Variants in SNX33 observed in about 807,000 individuals in gnomAD.
The protein encoded by SNX33 is sorting nexin-33.
SNX33 carries 19 observed loss-of-function variants against 38.8 expected under a neutral mutation model. That is an observed-to-expected ratio of 0.49 (90% confidence interval 0.34 to 0.72). SNX33 has a LOEUF of 0.72. Among genes scored for constraint, SNX33 ranks in the 30% least tolerant of loss-of-function variants. The pLI is 0.01. For missense variants in SNX33, 641 were observed against 776.4 expected (o/e 0.83, Z 2.07); for synonymous variants, 246 against 289.7 (o/e 0.85, Z 1.53).
In SNX33 at chr15:75,648,016, G is replaced by T; in HGVS notation, c.-1087G>T. The T allele has an allele frequency of 1.0e-6, 1 of 985,474 alleles. No homozygotes were observed. Among genetic ancestry groups the T allele is most frequent in the Non-Finnish European group, 1.2e-6 (1 of 829,946 alleles). The allele number at this position is 985,474 out of a possible 1,614,324, so 61.0% of individuals were successfully genotyped here. ...GCCCGCCCCCCACTGGCCGGGCCCCGCAGGGCGGAGAGGAGGACGGACGGA... is the reference window on the plus strand; with the variant it reads ...GCCCGCCCCCCACTGGCCGGGCCCCTCAGGGCGGAGAGGAGGACGGACGGA... On this transcript the variant is annotated 5_prime_UTR_variant, in exon 1 of 2. Transcript: ENST00000308527. This position sits in a 1 kb window ranked among gnomAD's most constrained non-coding sequence, Gnocchi z 4.4.
rs1893723597 is a variant in SNX33 at position 75,661,558 on chromosome 15, G to A, written c.*4343G>A. On this transcript the variant is annotated 3_prime_UTR_variant, in exon 2 of 2. Coordinates refer to ENST00000308527, the MANE Select transcript of SNX33 (RefSeq NM_153271.2). This position sits in a 1 kb window ranked among gnomAD's most constrained non-coding sequence, Gnocchi z 4.5. ...CAAACTTTTTTTTTCTTTTGGTTTG[G>A]TTTTGTTTTGTTGGTCAAACCCCAG... 1 of 152,204 alleles carries A rather than the reference G, an allele frequency of 6.6e-6. No homozygotes were observed. Among genetic ancestry groups the A allele is most frequent in the South Asian group, 2.1e-4 (1 of 4,834 alleles). The allele number at this position is 152,204 out of a possible 1,614,324, so 9.4% of individuals were successfully genotyped here.
chr15:75,653,944 AT>A (rs768599777), intron 1 of SNX33, among the ~76,000 whole-genome samples: 12 of 152,094 alleles, frequency 7.9e-5, no homozygotes, highest in Non-Finnish European at 1.3e-4. Context: ...ATACAAAAAA[AT>A]AGCCAGGCAT....
chr15:75,653,801 G>A (rs1235229817), intron 1 of SNX33, among the ~76,000 whole-genome samples: 1 of 152,120 alleles, frequency 6.6e-6, no homozygotes, highest in Non-Finnish European at 1.5e-5. Context: ...CAGCCTCTGG[G>A]TTCTGAGCCA....
Position 75,650,923 on chromosome 15 carries a change from A to G in SNX33, c.1471+350A>G, listed in dbSNP as rs1382030276. Among the ~76,000 whole-genome samples the G allele has an allele frequency of 6.7e-6, 1 of 150,070 alleles. No individual in the cohort carries two copies. Among genetic ancestry groups the G allele is most frequent in the Non-Finnish European group, 1.5e-5 (1 of 66,736 alleles). On this transcript the variant is annotated intron_variant, in intron 1 of 1. Coordinates refer to ENST00000308527, the MANE Select transcript of SNX33 (RefSeq NM_153271.2). The surrounding 1 kb of genome is among the most constrained non-coding windows in gnomAD (Gnocchi z 6.1). The stretch of plus-strand genomic sequence containing the variant: ...AATATCAACTCTGTGTCTGTGGCAA[A>G]TGTGCTTCTAGGTGCAGGGATATTG...
intron 1 of SNX33, among the ~76,000 whole-genome samples, chr15:75,653,896 A>G (rs1893617530): frequency 6.6e-6 from 1 of 152,138 alleles, no homozygotes; most frequent in Non-Finnish European, 1.5e-5. Context: ...GTTCGACACC[A>G]GCCTGGCTAA....
In SNX33 at chr15:75,649,060, A is replaced by T; in HGVS notation, c.-43A>T. On this transcript the variant is annotated 5_prime_UTR_variant, in exon 1 of 2. Coordinates refer to ENST00000308527, the MANE Select transcript of SNX33 (RefSeq NM_153271.2). The surrounding 1 kb of genome is among the most constrained non-coding windows in gnomAD (Gnocchi z 6.6). ...CCTTGTGAGCATCCCCGGTCTGGGC[A>T]GGACCCTCTCCTTCCCATCTTTCTA... The T allele has an allele frequency of 6.5e-7, 1 of 1,543,466 alleles. No individual in the cohort carries two copies. The highest frequency in any genetic ancestry group is 8.7e-7 in the Non-Finnish European group (1 of 1,143,000).
intron 1 of SNX33, among the ~76,000 whole-genome samples, chr15:75,653,093 T>G (rs1893604273): frequency 6.6e-6 from 1 of 152,128 alleles, no homozygotes; most frequent in South Asian, 2.1e-4. Context: ...TCTAGGTGAG[T>G]AAAATGGGAC....
intron 1 of SNX33, among the ~76,000 whole-genome samples, chr15:75,656,480 C>A (rs1484729545): frequency 6.6e-6 from 1 of 152,150 alleles, no homozygotes; most frequent in Non-Finnish European, 1.5e-5. Flanking sequence ...AGGTGCCCAG[C>A]TTGGGATACC....
Position 75,649,550 on chromosome 15 carries a change from G to T in SNX33, c.448G>T (p.Ala150Ser), listed in dbSNP as rs753703376. ...TCCCCTCAACCTCTCCTACCCTGGT[G>T]CCTACCCCAGCCAGCACATGGCCTT... ...HPPLNLSYPG[A>S]YPSQHMAFRP... Residue 150 changes from alanine to serine, a missense_variant, in exon 1 of 2, where the codon GCC becomes TCC. Physicochemically the swap from Ala to Ser is moderately conservative, Grantham distance 99. Coordinates refer to ENST00000308527, the MANE Select transcript of SNX33 (RefSeq NM_153271.2). The surrounding 1 kb of genome is among the most constrained non-coding windows in gnomAD (Gnocchi z 6.6). 23 of 1,612,644 alleles carry T rather than the reference G, an allele frequency of 1.4e-5. No individual in the cohort carries two copies. Among genetic ancestry groups the T allele is most frequent in the Admixed American group, 5.0e-5 (3 of 59,860 alleles).
rs1893710662 is a variant in SNX33, at chr15:75,660,510, C to T, written c.*3295C>T. 1 of 152,900 alleles carries T rather than the reference C, an allele frequency of 6.5e-6. No homozygotes were observed. Among genetic ancestry groups the T allele is most frequent in the African/African-American group, 2.4e-5 (1 of 41,464 alleles). 9.5% of individuals were successfully genotyped at this position (152,900 alleles called of 1,614,324 possible). ...CACAACAAGCACACGCAGTCACACA[C>T]CTGCCCACAGGCACATACGCCACAT... On this transcript the variant is annotated 3_prime_UTR_variant, in exon 2 of 2. Transcript: ENST00000308527.
rs1189548996 is a variant in SNX33 at position 75,648,570 on chromosome 15, A to T, written c.-533A>T. 1.0e-6 allele frequency: 1 copy of T among 982,752 alleles called. No homozygotes were observed. Among genetic ancestry groups the T allele is most frequent in the Admixed American group, 6.1e-5 (1 of 16,268 alleles). The allele number at this position is 982,752 out of a possible 1,614,324, so 60.9% of individuals were successfully genotyped here. On this transcript the variant is annotated 5_prime_UTR_variant, in exon 1 of 2. Coordinates refer to ENST00000308527, the MANE Select transcript of SNX33 (RefSeq NM_153271.2). This position sits in a 1 kb window ranked among gnomAD's most constrained non-coding sequence, Gnocchi z 4.4. ...TGGCCCAGGAGCAAGAGGAGGAAGG[A>T]GGAAGGGGCAGATCTGCAGAGGAAT... is the stretch of plus-strand genomic sequence containing the variant.
At chr15:75,656,832 G>A (rs1300227697) in intron 1 of SNX33, 130 bp from the exon 2 acceptor site, 4 of 1,409,108 alleles carry the variant, frequency 2.8e-6, no homozygotes, top group African/African-American at 2.9e-5. Context: ...CCAGGTGGCT[G>A]GAATGTGGGT....
chr15:75,654,313 A>G (rs1440404520), intron 1 of SNX33, among the ~76,000 whole-genome samples: 2 of 152,166 alleles, frequency 1.3e-5, no homozygotes, highest in East Asian at 1.9e-4. Flanking sequence ...TGTCAACAGC[A>G]TCACATCTAG....
rs913609601 is a variant in SNX33, at chr15:75,652,157, C to G, written c.1471+1584C>G. On this transcript the variant is annotated intron_variant, in intron 1 of 1. Coordinates refer to ENST00000308527, the MANE Select transcript of SNX33 (RefSeq NM_153271.2). ...CCCCTCTGGGCCTTAGTTTCCTGAT[C>G]TGTAAAACAAGGGAATGGGGTCCCA... Among the ~76,000 whole-genome samples the G allele has an allele frequency of 5.3e-5, 8 of 152,340 alleles. No individual in the cohort carries two copies. The East Asian group carries it at 1.5e-3, about 29-fold the overall frequency.
intron 1 of SNX33, among the ~76,000 whole-genome samples, chr15:75,653,905 A>G (rs2141398681): frequency 6.6e-6 from 1 of 152,262 alleles, no homozygotes; most frequent in African/African-American, 2.4e-5. Context: ...CAGCCTGGCT[A>G]ACATAGTGAA....
In SNX33 at chr15:75,649,366, C is replaced by T. The variant is rs763640094; in HGVS notation, c.264C>T (p.Pro88=). 3 of 1,559,636 alleles carry T rather than the reference C, an allele frequency of 1.9e-6. No homozygotes were observed. Among genetic ancestry groups the T allele is most frequent in the Non-Finnish European group, 2.6e-6 (3 of 1,150,168 alleles). ...PGAQVSLYNS[P]SVASPARSGG... ...CCCAGGTGAGCTTGTACAACAGCCC[C>T]AGTGTGGCCAGCCCAGCTAGGAGTG... Residue 88 remains proline, a synonymous_variant, in exon 1 of 2, where the codon CCC becomes CCT. Coordinates refer to ENST00000308527, the MANE Select transcript of SNX33 (RefSeq NM_153271.2). The surrounding 1 kb of genome is among the most constrained non-coding windows in gnomAD (Gnocchi z 6.6).
At chr15:75,652,499 C>T (rs1172116079) in intron 1 of SNX33, among the ~76,000 whole-genome samples, 1 of 152,180 alleles carries the variant, frequency 6.6e-6, no homozygotes, top group African/African-American at 2.4e-5. Context: ...TAGGGCAGCC[C>T]CACACCTAGG....
intron 1 of SNX33, among the ~76,000 whole-genome samples, chr15:75,655,108 C>T (rs1595999793): frequency 1.3e-5 from 2 of 152,244 alleles, no homozygotes; most frequent in South Asian, 2.1e-4. Context: ...CTGTGTCCAA[C>T]GTCTGGGGGC....
In SNX33 at chr15:75,652,634, C is replaced by A. The variant is rs115131480; in HGVS notation, c.1471+2061C>A. Among the ~76,000 whole-genome samples, 186 of 152,310 alleles carry A rather than the reference C, an allele frequency of 1.2e-3. 1 individual carries two copies. The highest frequency in any genetic ancestry group is 4.2e-3 in the African/African-American group (175 of 41,548). On this transcript the variant is annotated intron_variant, in intron 1 of 1. Coordinates refer to ENST00000308527, the MANE Select transcript of SNX33 (RefSeq NM_153271.2). ...TTGAGGTGTTTCTAAGAGTCAGAGG[C>A]CACTGTCCTCTGTGCTGGTGCATTT...
Sources: gnomAD v4.1 joint callset for allele counts (sites outside exome capture counted in the v4.1 genomes callset) on GRCh38, gnomAD v4.1.1 for gene constraint, Gnocchi (gnomAD v3.1) non-coding constraint, MANE v1.5 for transcripts, NCBI Gene and HGNC (gene_info 2026-07-23, HGNC 2026-07-21) for gene names.